The following CCDC187 variants were observed in gnomAD, a reference collection of about 807,000 sequenced individuals.
CCDC187 encodes the protein coiled-coil domain containing 187.
In CCDC187, 32 loss-of-function variants were observed where a neutral mutation model predicts 38.0. That is an observed-to-expected ratio of 0.84 (90% confidence interval 0.64 to 1.13). CCDC187 has a LOEUF of 1.13. CCDC187 is among the 50% of genes most tolerant of loss of function. The probability of loss-of-function intolerance (pLI) is 0.00; values close to 1 mark genes in which losing one functional copy is unlikely to be tolerated. For missense variants in CCDC187, 707 were observed against 786.8 expected (o/e 0.90, Z 1.21); for synonymous variants, 333 against 347.9 (o/e 0.96, Z 0.48).
At chr9:136,272,200 G>A (rs1468073415) in intron 14 of CCDC187, among the ~76,000 whole-genome samples, 3 of 152,278 alleles carry the variant, frequency 2.0e-5, no homozygotes, top group Non-Finnish European at 2.9e-5. Context: ...AAGGATGCGG[G>A]TTAGAAATCT....
rs1830590672 is a variant in CCDC187 at position 136,254,642 on chromosome 9, G to A, written c.5186C>T (p.Ala1729Val). ...GCCTGCCTTTGGGCTTTGCTCCGGC[G>A]CTGAAACTTCTGCCATGGCCGTGTC... is the stretch of plus-strand genomic sequence containing the variant. ...SLDTAMAEVS[A>V]PEQSPKAGWL... The change falls in exon 26 of 26, where the codon GCG (alanine) becomes GTG (valine). Residue 1729 changes from alanine (A) to valine (V), a missense_variant. Ala to Val is a moderately conservative substitution (Grantham distance 64, BLOSUM62 0). Coordinates refer to ENST00000638797, the MANE Select transcript of CCDC187 (RefSeq NM_001378188.1). 8 of 985,410 alleles carry A rather than the reference G, an allele frequency of 8.1e-6. No individual in the cohort carries two copies. In the South Asian group the frequency reaches 2.3e-4, roughly 29 times the overall value. The allele number at this position is 985,410 out of a possible 1,614,324, so 61.0% of individuals were successfully genotyped here. A position where few individuals can be genotyped will look rare whatever the true frequency, so the allele number is the denominator to read the frequency against.
Position 136,267,470 on chromosome 9 carries a change from C to G in CCDC187, c.3561G>C (p.Gln1187His). Residue 1187 changes from glutamine to histidine, a missense_variant, in exon 16 of 26, where the codon CAG becomes CAC. By Grantham distance (24) the Gln-to-His change is conservative. Coordinates refer to ENST00000638797, the MANE Select transcript of CCDC187 (RefSeq NM_001378188.1). ...GCAGGCGCAGCAGCGCGGCCTGGTG[C>G]TGTGCTCGCAGCTCCTCCTCCCGCA... ...RSLREEELRA[Q>H]HQAALLRLRE... The G allele has an allele frequency of 1.0e-6, 1 of 985,738 alleles. No individual in the cohort carries two copies. Among genetic ancestry groups the G allele is most frequent in the Non-Finnish European group, 1.2e-6 (1 of 830,138 alleles). The allele number at this position is 985,738 out of a possible 1,614,324, so 61.1% of individuals were successfully genotyped here. A position where few individuals can be genotyped will look rare whatever the true frequency, so the allele number is the denominator to read the frequency against.
At chr9:136,296,364 T>G (rs1831535478) in intron 4 of CCDC187, 1 of 152,172 alleles carries the variant, frequency 6.6e-6, no homozygotes, top group African/African-American at 2.4e-5. Flanking sequence ...GGCCCCAGAA[T>G]CCACGCCTGG....
rs1236356221 is a variant in CCDC187, at chr9:136,293,309, ACACACT to A, written c.833-1020_833-1015del. 3.5e-3 allele frequency among the ~76,000 whole-genome samples: 521 copies of A among 147,990 alleles called. 8 individuals are homozygous for A. The highest frequency in any genetic ancestry group is 0.013 in the African/African-American group (500 of 39,334). On this transcript the variant is annotated intron_variant, in intron 4 of 25. Transcript: ENST00000638797. Reference sequence around the variant, plus strand: ...CTCACACACTCACAAACACATGTTCACACACTCACACTCACATGCTTACACACTCAC... The same window carrying A: ...CTCACACACTCACAAACACATGTTCACACACTCACATGCTTACACACTCAC...
upstream of CCDC187, among the ~76,000 whole-genome samples, chr9:136,306,280 C>A (rs1831803114): frequency 6.6e-6 from 1 of 152,212 alleles, no homozygotes; most frequent in South Asian, 2.1e-4. Flanking sequence ...TCAGACCCTG[C>A]ACCTCAGCTC....
At chr9:136,283,464 C>G (rs1831095617) in intron 9 of CCDC187, among the ~76,000 whole-genome samples, 2 of 152,252 alleles carry the variant, frequency 1.3e-5, no homozygotes, top group Admixed American at 1.3e-4. Context: ...GCGGCGGAAG[C>G]CTTGGCAGGG....
At chr9:136,272,193 G>C (rs1393151681) in intron 14 of CCDC187, among the ~76,000 whole-genome samples, 1 of 152,140 alleles carries the variant, frequency 6.6e-6, no homozygotes, top group African/African-American at 2.4e-5. Context: ...GAAGGAAAAG[G>C]ATGCGGGTTA....
rs557368971 is a variant in CCDC187 at position 136,262,795 on chromosome 9, A to G, written c.3913-333T>C. ...TGCTTCAGAGAGCTCAGATCATTCA[A>G]TCCTCATCCCCACCCTCCAGGTGAG... On this transcript the variant is annotated intron_variant, in intron 18 of 25. Coordinates refer to ENST00000638797, the MANE Select transcript of CCDC187 (RefSeq NM_001378188.1). Among the ~76,000 whole-genome samples, 24 of 152,198 alleles carry G rather than the reference A, an allele frequency of 1.6e-4. No individual in the cohort carries two copies. The South Asian group carries it at 4.8e-3, about 30-fold the overall frequency.
rs1830590147 is a variant in CCDC187, at chr9:136,254,596, G to T, written c.5232C>A (p.Asp1744Glu). The part of the protein sequence containing the change: ...PKAGWLLPFP[D>E]IPSPRSGSEL... Reference sequence around the variant, plus strand: ...CTGACCCTGACCTTGGAGAGGGGATGTCTGGGAAAGGCAGTAGCCAGCCTG... The same window carrying T: ...CTGACCCTGACCTTGGAGAGGGGATTTCTGGGAAAGGCAGTAGCCAGCCTG... Residue 1744 changes from aspartate (D) to glutamate (E), a missense_variant, in exon 26 of 26, where the codon GAC (aspartate) becomes GAA (glutamate). By Grantham distance (45) the Asp-to-Glu change is conservative. Transcript: ENST00000638797. 1 of 985,438 alleles carries T rather than the reference G, an allele frequency of 1.0e-6. No homozygotes were observed. The allele number at this position is 985,438 out of a possible 1,614,324, so 61.0% of individuals were successfully genotyped here.
intron 16 of CCDC187, 49 bp downstream of exon 16, chr9:136,267,335 A>AGGGCGGGGCTACGGCG (rs1156580647): frequency 9.3e-5 from 79 of 851,226 alleles, no homozygotes; most frequent in African/African-American, 6.3e-4. Context: ...GGGCTACAGC[A>AGGGCGGGGCTACGGCG]GGGCGGGGCT....
At chr9:136,282,764 A>C (rs1831076330) in intron 9 of CCDC187, among the ~76,000 whole-genome samples, 1 of 151,988 alleles carries the variant, frequency 6.6e-6, no homozygotes, top group Non-Finnish European at 1.5e-5. Flanking sequence ...CCACCTCCCA[A>C]CCCCCGCCCG....
At chr9:136,288,869 T>G (rs2131295516) in intron 7 of CCDC187, among the ~76,000 whole-genome samples, 1 of 152,342 alleles carries the variant, frequency 6.6e-6, no homozygotes, top group South Asian at 2.1e-4. Flanking sequence ...GCGGCTGCTG[T>G]GGAGAACAGG....
At chr9:136,268,405 G>A (rs112157648) in intron 14 of CCDC187, among the ~76,000 whole-genome samples, 48 of 152,206 alleles carry the variant, frequency 3.2e-4, no homozygotes, top group Admixed American at 3.3e-4. Flanking sequence ...GCTGCTCTGC[G>A]TCTACAGGCT....
In CCDC187 at chr9:136,252,171, TCCACCCCGGGAAGAGCCGGCCGCCC is replaced by T. The variant is rs1830552040; in HGVS notation, c.*1398_*1422del. 1 of 75,392 alleles carries T rather than the reference TCCACCCCGGGAAGAGCCGGCCGCCC, an allele frequency of 1.3e-5. No individual in the cohort carries two copies. Among genetic ancestry groups the T allele is most frequent in the African/African-American group, 4.7e-5 (1 of 21,380 alleles). The allele number at this position is 75,392 out of a possible 1,614,324, so 4.7% of individuals were successfully genotyped here. A position where few individuals can be genotyped will look rare whatever the true frequency, so the allele number is the denominator to read the frequency against. On this transcript the variant is annotated 3_prime_UTR_variant, in exon 26 of 26. Coordinates refer to ENST00000638797, the MANE Select transcript of CCDC187 (RefSeq NM_001378188.1). ...GGGGAAGAGCCGGCCGCCCACCCGG[TCCACCCCGGGAAGAGCCGGCCGCCC>T]ACCCGGCCCACCCTGGGAAGAGCCG...
At chr9:136,293,400 CACAA>C (rs1161148845) in intron 4 of CCDC187, among the ~76,000 whole-genome samples, 1,384 of 71,890 alleles carry the variant, frequency 0.019, 47 homozygotes, top group African/African-American at 0.043. Flanking sequence ...CTCACACACT[CACAA>C]ACACTCACAT....
intron 3 of CCDC187, among the ~76,000 whole-genome samples, chr9:136,298,446 C>T (rs1831589913): frequency 6.6e-6 from 1 of 152,188 alleles, no homozygotes; most frequent in Non-Finnish European, 1.5e-5. Context: ...GAGGGCCCGG[C>T]TCCAGAGGCT....
rs1479312815 is a variant in CCDC187, at chr9:136,250,038, G to T, written c.*3556C>A. 2.0e-5 allele frequency: 3 copies of T among 152,292 alleles called. No individual in the cohort carries two copies. The highest frequency in any genetic ancestry group is 4.4e-5 in the Non-Finnish European group (3 of 68,088). 9.4% of individuals were successfully genotyped at this position (152,292 alleles called of 1,614,324 possible). A position where few individuals can be genotyped will look rare whatever the true frequency, so the allele number is the denominator to read the frequency against. ...ACAGATCAGAGCCCAGGCAAATACA[G>T]CAGGAGACCTTGAAGGGGAGGAACC... On this transcript the variant is annotated 3_prime_UTR_variant, in exon 26 of 26. Transcript: ENST00000638797.
At chr9:136,298,561 G>A (rs1831593456) in intron 3 of CCDC187, among the ~76,000 whole-genome samples, 1 of 152,242 alleles carries the variant, frequency 6.6e-6, no homozygotes, top group Non-Finnish European at 1.5e-5. Context: ...GTCCCCATGG[G>A]TGGGGAACCA....
chr9:136,300,047 A>G (rs1303598566), intron 3 of CCDC187, among the ~76,000 whole-genome samples, 173 bp downstream of exon 3: 1 of 152,248 alleles, frequency 6.6e-6, no homozygotes, highest in Non-Finnish European at 1.5e-5. Flanking sequence ...GTTAGAACAC[A>G]GGCTCCAGAG....
Sources: gnomAD v4.1 joint callset for allele counts (sites outside exome capture counted in the v4.1 genomes callset) on GRCh38, gnomAD v4.1.1 for gene constraint, MANE v1.5 for transcripts, NCBI Gene and HGNC (gene_info 2026-07-23, HGNC 2026-07-21) for gene names.